THSD7B: variants seen among roughly 807,000 people sequenced by gnomAD.
The protein encoded by THSD7B is thrombospondin type 1 domain containing 7B.
In THSD7B, 138 loss-of-function variants were observed where a neutral mutation model predicts 213.6. That is an observed-to-expected ratio of 0.65 (90% CI 0.56 to 0.74). The LOEUF (loss-of-function observed/expected upper bound fraction) is 0.74, where lower values mean the gene tolerates loss of function less well. THSD7B is among the 30% of genes least tolerant of loss of function. The probability of loss-of-function intolerance (pLI) is 0.00; values close to 1 mark genes in which losing one functional copy is unlikely to be tolerated. For missense variants in THSD7B, 1,931 were observed against 1,991.5 expected (o/e 0.97, Z 0.58); for synonymous variants, 742 against 687.0 (o/e 1.08, Z -1.25).
At chr2:136,923,205 A>G (rs1037785865) in intron 2 of THSD7B, among the ~76,000 whole-genome samples, 13 of 152,326 alleles carry the variant, frequency 8.5e-5, no homozygotes, top group Middle Eastern at 3.4e-3. Flanking sequence ...GTGGAATCAT[A>G]CAAGATTTGC....
chr2:137,425,433 T>C lies in THSD7B; in HGVS notation c.2959+13561T>C, dbSNP rs573082514. Among the ~76,000 whole-genome samples, 333 of 152,226 alleles carry C rather than the reference T, an allele frequency of 2.2e-3. 2 individuals are homozygous for C. The highest frequency in any genetic ancestry group is 0.021 in the Middle Eastern group (6 of 290). ...GGTTTCACCATGTTGGCCAGGCTGGTCTCAAACTCCTGACCTCAGGTGATC... is the reference window on the plus strand; with the variant it reads ...GGTTTCACCATGTTGGCCAGGCTGGCCTCAAACTCCTGACCTCAGGTGATC... On this transcript the variant is annotated intron_variant, in intron 14 of 27. Coordinates refer to ENST00000409968, the MANE Select transcript of THSD7B (RefSeq NM_001316349.2).
chr2:137,637,044 T>C (rs1481864579), intron 20 of THSD7B, among the ~76,000 whole-genome samples: 1 of 152,212 alleles, frequency 6.6e-6, no homozygotes, highest in Non-Finnish European at 1.5e-5. Flanking sequence ...CATAATTTTA[T>C]CTTTAATATG....
At chr2:137,108,668 T>G (rs530430493) in intron 4 of THSD7B, among the ~76,000 whole-genome samples, 14 of 152,316 alleles carry the variant, frequency 9.2e-5, no homozygotes, top group Non-Finnish European at 2.1e-4. Flanking sequence ...TAATTTTGAT[T>G]TGTCATTTTA....
intron 15 of THSD7B, among the ~76,000 whole-genome samples, chr2:137,513,220 A>T (rs1680003249): frequency 6.6e-6 from 1 of 152,362 alleles, no homozygotes; most frequent in Non-Finnish European, 1.5e-5. Flanking sequence ...AATAAAAAGC[A>T]GTAGGTTACA....
At chr2:137,329,407 C>T (rs1405479510) in intron 12 of THSD7B, among the ~76,000 whole-genome samples, 1 of 152,112 alleles carries the variant, frequency 6.6e-6, no homozygotes, top group Non-Finnish European at 1.5e-5. Flanking sequence ...GCACTGTTGC[C>T]TGGAGTGGAG....
At chr2:137,240,451 T>A (rs984349233) in intron 9 of THSD7B, among the ~76,000 whole-genome samples, 2 of 152,142 alleles carry the variant, frequency 1.3e-5, no homozygotes, top group Admixed American at 6.6e-5. Context: ...AGTTATTAGT[T>A]TCTGTTCTGC....
In THSD7B at chr2:137,362,730, A is replaced by G. The variant is rs533225766; in HGVS notation, c.2501-42883A>G. ...ACCCAATACAGGAGCACCCAGATTCATAAAGCAAGTCCTTAGAGACCTACA... is the reference window on the plus strand; with the variant it reads ...ACCCAATACAGGAGCACCCAGATTCGTAAAGCAAGTCCTTAGAGACCTACA... On this transcript the variant is annotated intron_variant, in intron 12 of 27. Coordinates refer to ENST00000409968, the MANE Select transcript of THSD7B (RefSeq NM_001316349.2). Among the ~76,000 whole-genome samples, 545 of 152,336 alleles carry G rather than the reference A, an allele frequency of 3.6e-3. 3 individuals are homozygous for G. Among genetic ancestry groups the G allele is most frequent in the African/African-American group, 0.012 (512 of 41,584 alleles).
chr2:137,285,383 G>A (rs188128976), intron 12 of THSD7B, among the ~76,000 whole-genome samples: 1 of 152,182 alleles, frequency 6.6e-6, no homozygotes, highest in East Asian at 1.9e-4. Context: ...TTTAATTGGA[G>A]CATGTAGCCC....
At chr2:137,474,677 G>T (rs902207610) in intron 15 of THSD7B, among the ~76,000 whole-genome samples, 10 of 152,190 alleles carry the variant, frequency 6.6e-5, no homozygotes, top group Non-Finnish European at 1.2e-4. Flanking sequence ...TTAGAGCACA[G>T]TTACAAGGGC....
At chr2:137,187,518 G>A (rs114161528) in intron 7 of THSD7B, among the ~76,000 whole-genome samples, 1,818 of 152,214 alleles carry the variant, frequency 0.012, 34 homozygotes, top group African/African-American at 0.041. Context: ...GAATAAATGC[G>A]TTAGATCAAT....
rs141325475 is a variant in THSD7B, at chr2:136,769,440, C to T, written c.-36+3753C>T. ...AGATATTAGTGAAACCCAATTACTC[C>T]GTATCTTTTGGTAAAACTTTGAAAC... On this transcript the variant is annotated intron_variant, in intron 1 of 27. Coordinates refer to ENST00000409968, the MANE Select transcript of THSD7B (RefSeq NM_001316349.2). 8.5e-5 allele frequency among the ~76,000 whole-genome samples: 13 copies of T among 152,186 alleles called. No homozygotes were observed. The South Asian group carries it at 1.0e-3, about 12-fold the overall frequency.
intron 2 of THSD7B, among the ~76,000 whole-genome samples, chr2:136,924,807 T>C (rs1237793749): frequency 6.6e-6 from 1 of 152,228 alleles, no homozygotes; most frequent in Admixed American, 6.5e-5. Context: ...TCTATGAGCA[T>C]GGCATGCCTT....
chr2:136,908,051 T>A (rs1684195917), intron 2 of THSD7B, among the ~76,000 whole-genome samples: 1 of 152,218 alleles, frequency 6.6e-6, no homozygotes, highest in African/African-American at 2.4e-5. Context: ...TCATTTAATC[T>A]TTTCACAGAA....
At chr2:137,521,619 T>C (rs1417803552) in intron 15 of THSD7B, among the ~76,000 whole-genome samples, 1 of 152,206 alleles carries the variant, frequency 6.6e-6, no homozygotes, top group Admixed American at 6.5e-5. Flanking sequence ...GTCTCAACCC[T>C]GTTTGTTTTC....
At chr2:137,402,465 A>T (rs1295234245) in intron 12 of THSD7B, among the ~76,000 whole-genome samples, 1 of 152,130 alleles carries the variant, frequency 6.6e-6, no homozygotes, top group Non-Finnish European at 1.5e-5. Flanking sequence ...TTATAAACAT[A>T]TTCAAAAGAA....
intron 3 of THSD7B, among the ~76,000 whole-genome samples, chr2:137,071,356 T>C (rs1687484771): frequency 6.6e-6 from 1 of 152,246 alleles, no homozygotes; most frequent in Non-Finnish European, 1.5e-5. Flanking sequence ...AAATGTCTTC[T>C]TTTGAGAAGT....
chr2:137,065,429 T>C (rs1400714359), intron 3 of THSD7B, among the ~76,000 whole-genome samples: 1 of 152,070 alleles, frequency 6.6e-6, no homozygotes, highest in Non-Finnish European at 1.5e-5. Flanking sequence ...TTTCCAAATA[T>C]TATGTTATCT....
At chr2:137,110,260 C>A (rs973245560) in intron 4 of THSD7B, among the ~76,000 whole-genome samples, 2 of 152,162 alleles carry the variant, frequency 1.3e-5, no homozygotes, top group East Asian at 3.9e-4. Context: ...GTCCTCGGTG[C>A]TTAGCTGTGG....
intron 1 of THSD7B, among the ~76,000 whole-genome samples, chr2:136,871,240 C>T (rs369535729): frequency 4.2e-4 from 64 of 151,940 alleles, no homozygotes; most frequent in African/African-American, 1.4e-3. Context: ...AGTTCAGGGG[C>T]GAAGTCAGGT....
Sources: gnomAD v4.1 joint callset for allele counts (sites outside exome capture counted in the v4.1 genomes callset) on GRCh38, gnomAD v4.1.1 for gene constraint, MANE v1.5 for transcripts, NCBI Gene and HGNC (gene_info 2026-07-23, HGNC 2026-07-21) for gene names.